KIF13B: variants seen among roughly 807,000 people sequenced by gnomAD.
KIF13B encodes kinesin-like protein KIF13B.
In KIF13B, 127 loss-of-function variants were observed where a neutral mutation model predicts 222.0. That is an observed-to-expected ratio of 0.57 (90% CI 0.50 to 0.66). The LOEUF is 0.66. KIF13B is among the 30% of genes least tolerant of loss of function. The pLI is 0.00. For missense variants in KIF13B, 2,173 were observed against 2,379.0 expected (o/e 0.91, Z 1.80); for synonymous variants, 976 against 919.0 (o/e 1.06, Z -1.12).
chr8:29,195,045 A>T (rs55844087), intron 3 of KIF13B, among the ~76,000 whole-genome samples: 7,159 of 152,066 alleles, frequency 0.047, 352 homozygotes, highest in African/African-American at 0.12. Flanking sequence ...GACAGGAGTT[A>T]AAGACCAGCC....
chr8:29,162,647 A>G (rs1811830956), intron 12 of KIF13B, among the ~76,000 whole-genome samples: 1 of 152,206 alleles, frequency 6.6e-6, no homozygotes, highest in Non-Finnish European at 1.5e-5. Flanking sequence ...AATGGTAAAA[A>G]CGCTACAAAA....
At chr8:29,113,652 A>G (rs751774913) in intron 31 of KIF13B, 97 bp from the exon 32 acceptor site, 81 of 737,572 alleles carry the variant, frequency 1.1e-4, no homozygotes, top group Non-Finnish European at 1.8e-4. Context: ...CATTCTAACC[A>G]AAAGAAAACA....
chr8:29,077,092 G>C (rs1259846751), intron 37 of KIF13B, among the ~76,000 whole-genome samples: 1 of 152,188 alleles, frequency 6.6e-6, no homozygotes, highest in Non-Finnish European at 1.5e-5. Context: ...GGACAGCTAG[G>C]ACCAGGGTGC....
chr8:29,197,268 C>T (rs1473872390), intron 2 of KIF13B, among the ~76,000 whole-genome samples: 3 of 130,174 alleles, frequency 2.3e-5, no homozygotes, highest in Non-Finnish European at 4.7e-5. Context: ...ACCCGGGAGG[C>T]GGAGCTTGCA....
chr8:29,240,000 T>C (rs566862112), intron 2 of KIF13B, among the ~76,000 whole-genome samples: 48 of 138,872 alleles, frequency 3.5e-4, no homozygotes, highest in African/African-American at 1.1e-3. Context: ...TGTGTACCCC[T>C]GGAATCTAAA....
At chr8:29,107,158 T>C (rs1249718184) in intron 35 of KIF13B, among the ~76,000 whole-genome samples, 1 of 152,228 alleles carries the variant, frequency 6.6e-6, no homozygotes, top group Non-Finnish European at 1.5e-5. Flanking sequence ...TTCTCACAAA[T>C]AATGTTAACT....
chr8:29,246,994 A>G (rs1816055479), intron 1 of KIF13B, among the ~76,000 whole-genome samples: 1 of 152,236 alleles, frequency 6.6e-6, no homozygotes, highest in Admixed American at 6.5e-5. Context: ...AAGTTCTTAG[A>G]AGAATACAAA....
At chr8:29,152,143 T>C (rs1811327107) in intron 14 of KIF13B, among the ~76,000 whole-genome samples, 2 of 152,126 alleles carry the variant, frequency 1.3e-5, no homozygotes, top group Admixed American at 1.3e-4. Flanking sequence ...AGACTGAAGA[T>C]GTGGCTGAAC....
chr8:29,146,552 TAAAG>T lies in KIF13B; in HGVS notation c.2025-16_2025-13del, dbSNP rs777024654. On this transcript the variant is annotated splice_polypyrimidine_tract_variant and intron_variant, in intron 17 of 39. Transcript: ENST00000524189. ...TCAACGTTGCTTCTCTAAAAAAAAA[TAAAG>T]AAGCGGCAGAGGTAGGGAAGAGATT... 2 of 1,608,202 alleles carry T rather than the reference TAAAG, an allele frequency of 1.2e-6. No homozygotes were observed. The highest frequency in any genetic ancestry group is 1.7e-5 in the Admixed American group (1 of 59,342).
At chr8:29,092,613 C>A in intron 37 of KIF13B, 132 bp downstream of exon 37, 2 of 864,250 alleles carry the variant, frequency 2.3e-6, no homozygotes, top group South Asian at 3.8e-5. Flanking sequence ...AAAAGACCGA[C>A]AGCTGTTTCT....
chr8:29,180,940 T>C (rs753659135), intron 7 of KIF13B, among the ~76,000 whole-genome samples: 30 of 152,284 alleles, frequency 2.0e-4, no homozygotes, highest in Admixed American at 1.3e-3. Flanking sequence ...GAGAAAAATG[T>C]ATGTGCAAAA....
At chr8:29,170,280 A>T (rs534546041) in intron 10 of KIF13B, among the ~76,000 whole-genome samples, 2 of 152,352 alleles carry the variant, frequency 1.3e-5, no homozygotes, top group South Asian at 4.1e-4. Flanking sequence ...GAAGACATAT[A>T]ATCCAATTAT....
At chr8:29,253,004 G>A (rs1032198773) in intron 1 of KIF13B, among the ~76,000 whole-genome samples, 1 of 152,110 alleles carries the variant, frequency 6.6e-6, no homozygotes, top group Non-Finnish European at 1.5e-5. Flanking sequence ...AAATACAACT[G>A]AGCTCTAACA....
intron 9 of KIF13B, among the ~76,000 whole-genome samples, chr8:29,176,715 G>A (rs749307694): frequency 3.3e-5 from 5 of 152,038 alleles, no homozygotes; most frequent in South Asian, 2.1e-4. Flanking sequence ...CGTATTATTC[G>A]TAGCACAGGA....
chr8:29,180,172 C>T lies in KIF13B; in HGVS notation c.652G>A (p.Glu218Lys). ...AAAACTGCATGGGATCGGCTACTCT[C>T]CTCGTTCATGTTGGTTGCAGCAACT... ...RTVAATNMNE[E>K]SSRSHAVFKI... Residue 218 changes from glutamate to lysine, a missense_variant, in exon 8 of 40, where the codon GAG becomes AAG. Physicochemically the swap from Glu to Lys is moderately conservative, Grantham distance 56 (BLOSUM62 1). Around this residue, in one of 2 missense-constraint regions of KIF13B, gnomAD observed 1,480 missense variants for 1,722.8 expected, o/e 0.86. Coordinates refer to ENST00000524189, the MANE Select transcript of KIF13B (RefSeq NM_015254.4). The T allele has an allele frequency of 6.2e-7, 1 of 1,614,016 alleles. No homozygotes were observed. The highest frequency in any genetic ancestry group is 8.5e-7 in the Non-Finnish European group (1 of 1,179,876).
At chr8:29,214,311 T>C (rs946246553) in intron 2 of KIF13B, among the ~76,000 whole-genome samples, 7 of 152,238 alleles carry the variant, frequency 4.6e-5, no homozygotes, top group Admixed American at 2.6e-4. Flanking sequence ...ACAAACACTA[T>C]ACAGCTACAC....
In KIF13B at chr8:29,071,595, G is replaced by A. The variant is rs768971338; in HGVS notation, c.5218+25C>T. 5.1e-5 allele frequency: 78 copies of A among 1,537,890 alleles called. No individual in the cohort carries two copies. The highest frequency in any genetic ancestry group is 6.6e-5 in the Non-Finnish European group (75 of 1,140,434). On this transcript the variant is annotated intron_variant, in intron 39 of 39. Transcript: ENST00000524189. This position sits in a 1 kb window ranked among gnomAD's most constrained non-coding sequence, Gnocchi z 4.9. Reference sequence around the variant, plus strand: ...TTCCCCAGACCCCCGGCACCACCCTGGAGCCCGGAGTGCCCGGTACCCACC... The same window carrying A: ...TTCCCCAGACCCCCGGCACCACCCTAGAGCCCGGAGTGCCCGGTACCCACC...
chr8:29,167,638 C>T, intron 10 of KIF13B, 53 bp from the exon 11 acceptor site: 1 of 1,423,380 alleles, frequency 7.0e-7, no homozygotes. Context: ...AAGAAGACGT[C>T]ATATGAGAAA....
Position 29,165,661 on chromosome 8 carries a change from C to T in KIF13B, c.1269+1G>A. 6.3e-7 allele frequency: 1 copy of T among 1,591,146 alleles called. No individual in the cohort carries two copies. The highest frequency in any genetic ancestry group is 8.6e-7 in the Non-Finnish European group (1 of 1,159,116). On this transcript the variant is annotated splice_donor_variant, in intron 12 of 39. Transcript: ENST00000524189. LOFTEE classifies it high-confidence loss of function. ...GCGCTTCATCATCAGGAAACACGAA[C>T]CTGTGCAATCTCCTCCGTTTTCCTT...
Sources: allele counts gnomAD v4.1 joint callset (sites outside exome capture counted in the v4.1 genomes callset), GRCh38; gene constraint gnomAD v4.1.1; regional missense constraint gnomAD v4.1.1; non-coding constraint Gnocchi (gnomAD v3.1); transcripts MANE v1.5; gene names NCBI Gene and HGNC (gene_info 2026-07-23, HGNC 2026-07-21).